The following TSPEAR variants were observed in gnomAD, a reference collection of about 807,000 sequenced individuals.
TSPEAR encodes the protein thrombospondin type laminin G domain and EAR repeats, also known as thrombospondin-type laminin G domain and EAR repeat-containing protein.
In TSPEAR, 69 loss-of-function variants were observed where a neutral mutation model predicts 71.6. The ratio of observed to expected loss-of-function variants is 0.96; its 90% CI spans 0.79 to 1.18. The LOEUF (loss-of-function observed/expected upper bound fraction) is 1.18. TSPEAR is among the 50% of genes most tolerant of loss of function. The probability of loss-of-function intolerance (pLI) is 0.00; values close to 1 mark genes in which losing one functional copy is unlikely to be tolerated. For missense variants in TSPEAR, 971 were observed against 894.9 expected (o/e 1.09, Z -1.09); for synonymous variants, 402 against 387.2 (o/e 1.04, Z -0.45).
At chr21:44,681,159 C>G (rs1273180183) in intron 1 of TSPEAR, among the ~76,000 whole-genome samples, 1 of 152,170 alleles carries the variant, frequency 6.6e-6, no homozygotes, top group African/African-American at 2.4e-5. Context: ...ATATGTAGAT[C>G]AGTGATGGGA....
intron 5 of TSPEAR, 26 bp downstream of exon 5, chr21:44,529,772 T>TG: frequency 6.2e-7 from 1 of 1,612,706 alleles, no homozygotes; most frequent in Non-Finnish European, 8.5e-7. Flanking sequence ...GCCTTTGGTG[T>TG]GGGGGCGGGT....
intron 1 of TSPEAR, among the ~76,000 whole-genome samples, chr21:44,602,522 G>T (rs372166085): frequency 0.032 from 4,849 of 152,216 alleles, 258 homozygotes; most frequent in African/African-American, 0.11. Context: ...CGCTGGCCGG[G>T]CTGGCCCTTG....
At chr21:44,528,872 C>T (rs2052909757) in intron 5 of TSPEAR, among the ~76,000 whole-genome samples, 1 of 152,256 alleles carries the variant, frequency 6.6e-6, no homozygotes, top group Non-Finnish European at 1.5e-5. Flanking sequence ...AAGGCCTGCT[C>T]CTCTGAGAGT....
At chr21:44,522,139 C>A in intron 8 of TSPEAR, 27 bp from the exon 9 acceptor site, 1 of 1,604,870 alleles carries the variant, frequency 6.2e-7, no homozygotes, top group East Asian at 2.2e-5. Context: ...GTGCTGGGGG[C>A]AGGGAGGCAG....
chr21:44,532,117 A>G (rs233313), intron 3 of TSPEAR, among the ~76,000 whole-genome samples: 129,333 of 152,242 alleles, frequency 0.85, 55,032 homozygotes, highest in East Asian at 0.94. Context: ...TACCCTCCGT[A>G]GCAGCCTGCC....
At chr21:44,684,195 C>A (rs1986749659) in intron 1 of TSPEAR, among the ~76,000 whole-genome samples, 1 of 152,236 alleles carries the variant, frequency 6.6e-6, no homozygotes, top group Non-Finnish European at 1.5e-5. Context: ...GCAACAATAA[C>A]TGGCAATCCG....
chr21:44,616,947 T>C (rs233264), intron 1 of TSPEAR, among the ~76,000 whole-genome samples: 136,757 of 152,272 alleles, frequency 0.9, 61,710 homozygotes, highest in Non-Finnish European at 0.95. Context: ...GAGGAACACG[T>C]GCCACAGCCT....
chr21:44,548,757 G>A lies in TSPEAR; in HGVS notation c.304-14834C>T, dbSNP rs193120255. Among the ~76,000 whole-genome samples, 11 of 152,274 alleles carry A rather than the reference G, an allele frequency of 7.2e-5. No homozygotes were observed. The East Asian group carries it at 1.9e-3, about 27-fold the overall frequency. On this transcript the variant is annotated intron_variant, in intron 2 of 11. Coordinates refer to ENST00000323084, the MANE Select transcript of TSPEAR (RefSeq NM_144991.3). ...CCGCTGCACCATTTCCTCTGACGTC[G>A]GTATTCACAGGCACAATTAGGGACC...
intron 1 of TSPEAR, among the ~76,000 whole-genome samples, chr21:44,614,446 A>G (rs1555931915): frequency 6.6e-6 from 1 of 152,238 alleles, no homozygotes; most frequent in East Asian, 1.9e-4. Flanking sequence ...AGGGAGTCCA[A>G]GAAACCTCTG....
chr21:44,572,834 G>GACACACACAC (rs71199612), intron 1 of TSPEAR, among the ~76,000 whole-genome samples: 44 of 124,804 alleles, frequency 3.5e-4, no homozygotes, highest in African/African-American at 7.2e-4. Context: ...GGGAGATTTG[G>GACACACACAC]ACACACACAC....
chr21:44,658,039 C>G, intron 1 of TSPEAR: 3 of 1,613,870 alleles, frequency 1.9e-6, no homozygotes, highest in Middle Eastern at 3.3e-4. Context: ...ACAGCCCCTG[C>G]CAGGCATCCT....
intron 1 of TSPEAR, among the ~76,000 whole-genome samples, chr21:44,683,341 C>CGA (rs1569257614): frequency 6.6e-6 from 1 of 152,118 alleles, no homozygotes; most frequent in South Asian, 2.1e-4. Flanking sequence ...TCTGTAAATG[C>CGA]ATTATTATGA....
chr21:44,706,055 A>G (rs1236496407), intron 1 of TSPEAR, among the ~76,000 whole-genome samples: 3 of 152,136 alleles, frequency 2.0e-5, no homozygotes, highest in Admixed American at 1.3e-4. Context: ...AAAATAGAAA[A>G]GAACCTACGT....
Position 44,499,883 on chromosome 21 carries a change from C to T in TSPEAR, c.1910G>A (p.Cys637Tyr), listed in dbSNP as rs782130589. The stretch of plus-strand genomic sequence containing the variant: ...GGTGCTGAAGGCCTCCCAGTCCCTG[C>T]AGCCGACGGTGGGGAGGCTGTGCAC... ...VAVHSLPTVG[C>Y]RDWEAFSTTA... The change falls in exon 12 of 12, where the codon TGC (cysteine) becomes TAC (tyrosine). Residue 637 changes from cysteine to tyrosine, a missense_variant. Cys to Tyr is a radical substitution (Grantham distance 194). Transcript: ENST00000323084. The T allele has an allele frequency of 2.0e-5, 32 of 1,607,020 alleles. No homozygotes were observed. Among genetic ancestry groups the T allele is most frequent in the Non-Finnish European group, 7.6e-6 (9 of 1,177,798 alleles).
chr21:44,627,181 TCCA>T (rs1982854179), intron 1 of TSPEAR: 2 of 1,612,392 alleles, frequency 1.2e-6, no homozygotes, highest in African/African-American at 2.7e-5. Flanking sequence ...CATGGCCGCG[TCCA>T]CCATGTCCAT....
At chr21:44,580,450 T>G (rs373213017) in intron 1 of TSPEAR, 2 of 1,612,994 alleles carry the variant, frequency 1.2e-6, no homozygotes, top group African/African-American at 1.3e-5. Context: ...CACAGCTCAC[T>G]GGGGTGCAGA....
intron 1 of TSPEAR, among the ~76,000 whole-genome samples, chr21:44,602,983 C>A (rs1274404324): frequency 3.3e-5 from 5 of 152,142 alleles, no homozygotes; most frequent in Non-Finnish European, 7.4e-5. Flanking sequence ...CCTTCCCAAG[C>A]AATGACAATG....
intron 9 of TSPEAR, among the ~76,000 whole-genome samples, chr21:44,521,166 G>A (rs1019390653): frequency 4.6e-5 from 7 of 152,204 alleles, no homozygotes; most frequent in Non-Finnish European, 7.3e-5. Flanking sequence ...TGCTGTCACC[G>A]GCGCTGCAGA....
rs782592836 is a variant in TSPEAR at position 44,612,560 on chromosome 21, G to A, written c.83-44555C>T. 6.2e-7 allele frequency: 1 copy of A among 1,613,980 alleles called. No homozygotes were observed. Among genetic ancestry groups the A allele is most frequent in the South Asian group, 1.1e-5 (1 of 91,070 alleles). On this transcript the variant is annotated intron_variant, in intron 1 of 11. Coordinates refer to ENST00000323084, the MANE Select transcript of TSPEAR (RefSeq NM_144991.3). The surrounding 1 kb of genome is among the most constrained non-coding windows in gnomAD (Gnocchi z 4.1). ...CTGCCAGCAGTCTAGCTGCCAGTCA[G>A]CTTGCTGCACCTTCTCCCCATGCCA...
Sources: gnomAD v4.1 joint callset for allele counts (sites outside exome capture counted in the v4.1 genomes callset) on GRCh38, gnomAD v4.1.1 for gene constraint, Gnocchi (gnomAD v3.1) non-coding constraint, MANE v1.5 for transcripts, NCBI Gene and HGNC (gene_info 2026-07-23, HGNC 2026-07-21) for gene names.